Variants in CTNNA3 observed in about 807,000 individuals in gnomAD.
CTNNA3 encodes the protein catenin alpha-3.
CTNNA3 carries 76 observed loss-of-function variants against 95.7 expected under a neutral mutation model. The ratio of observed to expected loss-of-function variants is 0.79; its 90% CI spans 0.66 to 0.96. CTNNA3 has a LOEUF of 0.96. CTNNA3 is among the 40% of genes least tolerant of loss of function. CTNNA3 has a pLI of 0.00. For missense variants in CTNNA3, 1,191 were observed against 1,089.8 expected (o/e 1.09, Z -1.31); for synonymous variants, 431 against 374.4 (o/e 1.15, Z -1.74).
intron 17 of CTNNA3, among the ~76,000 whole-genome samples, chr10:65,939,935 G>A (rs918695229): frequency 6.6e-6 from 1 of 152,084 alleles, no homozygotes; most frequent in Non-Finnish European, 1.5e-5. Context: ...TCCTGGAAGG[G>A]AACTGTATAT....
intron 15 of CTNNA3, among the ~76,000 whole-genome samples, chr10:66,032,723 G>T (rs1251571189): frequency 6.6e-6 from 1 of 151,998 alleles, no homozygotes; most frequent in African/African-American, 2.4e-5. Flanking sequence ...AATTTAAAAA[G>T]AAATAGCTAC....
At chr10:67,751,269 C>A (rs868325749) in intron 1 of CTNNA3, 9 of 1,134,268 alleles carry the variant, frequency 7.9e-6, no homozygotes, top group Middle Eastern at 4.0e-4. Context: ...AGGGAATTCT[C>A]TTTCTTCGCT....
intron 15 of CTNNA3, among the ~76,000 whole-genome samples, chr10:66,039,022 A>C (rs1197590841): frequency 1.3e-5 from 2 of 152,332 alleles, no homozygotes; most frequent in East Asian, 3.9e-4. Context: ...AAAGCTCATT[A>C]AGCTGATAAA....
At position 66,130,546 on chromosome 10, in the gene CTNNA3, T is replaced by A. The variant is rs116930250; in HGVS notation, c.1885-27297A>T. Among the ~76,000 whole-genome samples the A allele has an allele frequency of 2.7e-3, 414 of 151,648 alleles. 13 individuals carry two copies. In the East Asian group the frequency reaches 0.03, roughly 11 times the overall value. On this transcript the variant is annotated intron_variant, in intron 13 of 17. Transcript: ENST00000433211. ...AAGGGGAATATTACTACTGACTCCATAGAAATACAAAGAATCGGCCGGGCA... is the reference window on the plus strand; with the variant it reads ...AAGGGGAATATTACTACTGACTCCAAAGAAATACAAAGAATCGGCCGGGCA...
chr10:66,776,819 T>C (rs934894649), intron 7 of CTNNA3, among the ~76,000 whole-genome samples: 8 of 152,202 alleles, frequency 5.3e-5, no homozygotes, highest in African/African-American at 1.9e-4. Context: ...TATAATCATT[T>C]TATTTATGTG....
chr10:67,339,083 T>C (rs532281932), intron 5 of CTNNA3, among the ~76,000 whole-genome samples: 1 of 152,284 alleles, frequency 6.6e-6, no homozygotes, highest in Non-Finnish European at 1.5e-5. Flanking sequence ...AATGGAGAAG[T>C]GGCTGAGTTG....
intron 10 of CTNNA3, among the ~76,000 whole-genome samples, chr10:66,553,169 C>T (rs1289542104): frequency 6.6e-6 from 1 of 151,534 alleles, no homozygotes; most frequent in East Asian, 1.9e-4. Flanking sequence ...ATTCTTTATC[C>T]TCATGTTTTA....
At chr10:66,447,140 G>A (rs1394873728) in intron 11 of CTNNA3, among the ~76,000 whole-genome samples, 1 of 151,876 alleles carries the variant, frequency 6.6e-6, no homozygotes, top group Non-Finnish European at 1.5e-5. Context: ...GCCTCTTCAA[G>A]GAGAACTACA....
At position 66,927,220 on chromosome 10, in the gene CTNNA3, G is replaced by C. The variant is rs768106538; in HGVS notation, c.1048-151696C>G. ...CCATAACCATATCAGCAATATTGAC[G>C]AAAATGCTTTTAATGGAATACGCAG... On this transcript the variant is annotated intron_variant, in intron 7 of 17. Transcript: ENST00000433211. The surrounding 1 kb of genome is among the most constrained non-coding windows in gnomAD (Gnocchi z 4.7). 1 of 1,614,120 alleles carries C rather than the reference G, an allele frequency of 6.2e-7. No homozygotes were observed. Among genetic ancestry groups the C allele is most frequent in the East Asian group, 2.2e-5 (1 of 44,888 alleles).
At chr10:66,472,176 A>G (rs750280924) in intron 11 of CTNNA3, among the ~76,000 whole-genome samples, 4 of 151,972 alleles carry the variant, frequency 2.6e-5, no homozygotes, top group Admixed American at 6.6e-5. Context: ...CTTGGCAGAA[A>G]GAAGGGTGCT....
Position 67,421,462 on chromosome 10 carries a change from T to A in CTNNA3, c.579+100380A>T, listed in dbSNP as rs75344719. 0.026 allele frequency among the ~76,000 whole-genome samples: 4,011 copies of A among 152,250 alleles called. 381 individuals carry two copies. The East Asian group carries it at 0.34, about 13-fold the overall frequency. On this transcript the variant is annotated intron_variant, in intron 5 of 17. Transcript: ENST00000433211. ...CATCCTCATAGATTGTATGTACAAG[T>A]AAACATGTCTCAGGTAGAATAACAC...
At chr10:66,994,658 T>C (rs932679757) in intron 7 of CTNNA3, among the ~76,000 whole-genome samples, 1 of 152,178 alleles carries the variant, frequency 6.6e-6, no homozygotes, top group Admixed American at 6.6e-5. Flanking sequence ...GACAAAATCA[T>C]GACTTACCAC....
chr10:67,012,983 G>T (rs1353650701), intron 7 of CTNNA3: 1 of 151,932 alleles, frequency 6.6e-6, no homozygotes. Flanking sequence ...ATATTTTCCA[G>T]GTAAGGCATC....
At chr10:67,647,547 T>C in intron 1 of CTNNA3, 29 bp from the exon 2 acceptor site, 1 of 1,571,854 alleles carries the variant, frequency 6.4e-7, no homozygotes, top group Non-Finnish European at 8.7e-7. Context: ...GGATGCTTAT[T>C]AATAAAGAAA....
chr10:67,074,667 T>C (rs1219663401), intron 7 of CTNNA3, among the ~76,000 whole-genome samples: 1 of 152,182 alleles, frequency 6.6e-6, no homozygotes, highest in Non-Finnish European at 1.5e-5. Context: ...ACTCTTTTCA[T>C]ACAAATTTAT....
At chr10:66,999,007 GAC>G (rs1851528366) in intron 7 of CTNNA3, among the ~76,000 whole-genome samples, 1 of 151,922 alleles carries the variant, frequency 6.6e-6, no homozygotes, top group South Asian at 2.1e-4. Flanking sequence ...GTGCATATAA[GAC>G]AATTAAATTA....
intron 9 of CTNNA3, among the ~76,000 whole-genome samples, chr10:66,634,290 C>T (rs1257075927): frequency 6.6e-6 from 1 of 151,934 alleles, no homozygotes; most frequent in Non-Finnish European, 1.5e-5. Flanking sequence ...ATAAGGTTTC[C>T]AGAAAATACA....
At chr10:66,411,307 AATGCTT>A (rs1190932520) in intron 11 of CTNNA3, among the ~76,000 whole-genome samples, 2 of 152,138 alleles carry the variant, frequency 1.3e-5, no homozygotes, top group Non-Finnish European at 2.9e-5. Flanking sequence ...AAGTTATCTA[AATGCTT>A]ACTGTAATGG....
At chr10:67,105,065 G>A (rs1472487771) in intron 7 of CTNNA3, among the ~76,000 whole-genome samples, 2 of 151,998 alleles carry the variant, frequency 1.3e-5, no homozygotes, top group East Asian at 3.9e-4. Flanking sequence ...ACCAAGGTAA[G>A]TGAAGGGCAT....
Sources: gnomAD v4.1 joint callset for allele counts (sites outside exome capture counted in the v4.1 genomes callset) on GRCh38, gnomAD v4.1.1 for gene constraint, Gnocchi (gnomAD v3.1) non-coding constraint, MANE v1.5 for transcripts, NCBI Gene and HGNC (gene_info 2026-07-23, HGNC 2026-07-21) for gene names.